The following IRAG1 variants were observed in gnomAD, a reference collection of about 807,000 sequenced individuals.
The protein encoded by IRAG1 is IP3R-associated cGMP kinase substrate.
A neutral mutation model predicts 106.2 loss-of-function variants in IRAG1; 62 were observed. That is an observed-to-expected ratio of 0.58 (90% confidence interval 0.48 to 0.72). The LOEUF is 0.72. Ranked by LOEUF, IRAG1 falls within the 30% of genes least tolerant of loss-of-function variation. IRAG1 has a pLI of 0.00. For synonymous variants in IRAG1, 462 were observed against 443.9 expected (o/e 1.04, Z -0.51); for missense variants, 1,064 against 1,140.7 (o/e 0.93, Z 0.97).
intron 11 of IRAG1, among the ~76,000 whole-genome samples, chr11:10,607,893 T>C (rs896830356): frequency 6.6e-6 from 1 of 152,172 alleles, no homozygotes; most frequent in Non-Finnish European, 1.5e-5. Flanking sequence ...ACAGTCCTTG[T>C]CACAACCCCA....
At chr11:10,604,333 G>A in intron 13 of IRAG1, 72 bp downstream of exon 13, 1 of 1,580,966 alleles carries the variant, frequency 6.3e-7, no homozygotes, top group South Asian at 1.1e-5. Context: ...CCTGAGAGAA[G>A]CATGACACCC....
chr11:10,603,367 C>G (rs1002728827), intron 13 of IRAG1, 116 bp from the exon 14 acceptor site: 1 of 1,166,534 alleles, frequency 8.6e-7, no homozygotes. Flanking sequence ...TTCCACAAAC[C>G]TGGTGGGGGC....
rs76868884 is a variant in IRAG1 at position 10,647,394 on chromosome 11, C to T, written c.225+4631G>A. ...ATGTTAAATGAGTTAATATGGTAGA[C>T]GAGTATCTGGCACAGGGTTAGCTAT... On this transcript the variant is annotated intron_variant, in intron 2 of 20. Coordinates refer to ENST00000423302, the MANE Select transcript of IRAG1 (RefSeq NM_130385.4). The surrounding 1 kb of genome is among the most constrained non-coding windows in gnomAD (Gnocchi z 4.3). 1.7e-3 allele frequency among the ~76,000 whole-genome samples: 253 copies of T among 152,232 alleles called. 2 individuals carry two copies. Among genetic ancestry groups the T allele is most frequent in the African/African-American group, 5.4e-3 (225 of 41,520 alleles).
At chr11:10,605,435 T>C (rs1286147933) in intron 12 of IRAG1, among the ~76,000 whole-genome samples, 1 of 151,540 alleles carries the variant, frequency 6.6e-6, no homozygotes, top group Non-Finnish European at 1.5e-5. Flanking sequence ...GAAGGCAATA[T>C]TGAAAACTAC....
At position 10,693,739 on chromosome 11, in the gene IRAG1, G is replaced by C; in HGVS notation, c.-137C>G. The C allele has an allele frequency of 9.7e-7, 1 of 1,030,366 alleles. No homozygotes were observed. Among genetic ancestry groups the C allele is most frequent in the Non-Finnish European group, 1.4e-6 (1 of 717,442 alleles). The allele number at this position is 1,030,366 out of a possible 1,614,324, so 63.8% of individuals were successfully genotyped here. Reference sequence around the variant, plus strand: ...CCTCTGGGAGCCCCACTCCGGCCTGGCTCGGGGGATAATGGCAGGGAAAGC... The same window carrying C: ...CCTCTGGGAGCCCCACTCCGGCCTGCCTCGGGGGATAATGGCAGGGAAAGC... On this transcript the variant is annotated 5_prime_UTR_variant, in exon 1 of 21. Transcript: ENST00000423302.
intron 10 of IRAG1, among the ~76,000 whole-genome samples, chr11:10,621,638 C>T (rs975042294): frequency 3.9e-5 from 6 of 152,190 alleles, no homozygotes; most frequent in African/African-American, 1.4e-4. Flanking sequence ...GATTTGGAGT[C>T]AGGAGATCCT....
At chr11:10,591,388 G>A (rs938948819) in intron 18 of IRAG1, among the ~76,000 whole-genome samples, 160 bp downstream of exon 18, 3 of 152,174 alleles carry the variant, frequency 2.0e-5, no homozygotes, top group African/African-American at 7.2e-5. Flanking sequence ...TTTGCAAACA[G>A]GTTCTGAAAT....
At chr11:10,581,081 A>G (rs971155149) in intron 19 of IRAG1, among the ~76,000 whole-genome samples, 6 of 152,180 alleles carry the variant, frequency 3.9e-5, no homozygotes, top group Admixed American at 2.0e-4. Flanking sequence ...AATTCCAAGG[A>G]TAGAGCACAG....
At chr11:10,651,227 A>G (rs1302267597) in intron 2 of IRAG1, among the ~76,000 whole-genome samples, 2 of 152,256 alleles carry the variant, frequency 1.3e-5, no homozygotes, top group African/African-American at 4.8e-5. Flanking sequence ...TACGACGAGG[A>G]TGATGCTCAA....
chr11:10,666,754 G>A (rs1174049722), intron 1 of IRAG1, among the ~76,000 whole-genome samples: 1 of 152,236 alleles, frequency 6.6e-6, no homozygotes, highest in East Asian at 1.9e-4. Flanking sequence ...GCAGGTTAAG[G>A]CCAGGGACTG....
At chr11:10,621,124 A>G (rs1161247515) in intron 10 of IRAG1, among the ~76,000 whole-genome samples, 1 of 152,222 alleles carries the variant, frequency 6.6e-6, no homozygotes, top group Non-Finnish European at 1.5e-5. Context: ...AGTGTTTTAA[A>G]TATGCTTTAG....
intron 10 of IRAG1, among the ~76,000 whole-genome samples, chr11:10,612,735 C>T (rs777764997): frequency 4.6e-5 from 7 of 151,674 alleles, no homozygotes; most frequent in Non-Finnish European, 8.8e-5. Flanking sequence ...AGAAACACAT[C>T]AAAAAATGCA....
In IRAG1 at chr11:10,576,091, G is replaced by T; in HGVS notation, c.*241C>A. ...ACCTTCCCTTCCAATAGAGTTCCTT[G>T]GTGAAGGTGACTTCTTCATCCACTG... On this transcript the variant is annotated 3_prime_UTR_variant, in exon 21 of 21. Transcript: ENST00000423302. 1.9e-6 allele frequency: 1 copy of T among 530,562 alleles called. No homozygotes were observed. Among genetic ancestry groups the T allele is most frequent in the Non-Finnish European group, 3.4e-6 (1 of 296,010 alleles). The allele number at this position is 530,562 out of a possible 1,614,324, so 32.9% of individuals were successfully genotyped here.
intron 10 of IRAG1, among the ~76,000 whole-genome samples, chr11:10,619,408 A>C (rs1855669693): frequency 1.3e-5 from 2 of 152,204 alleles, no homozygotes; most frequent in Non-Finnish European, 2.9e-5. Context: ...CTATAAATAC[A>C]ATCTGAGCCA....
chr11:10,651,244 TC>T (rs1344014005), intron 2 of IRAG1, among the ~76,000 whole-genome samples: 3 of 152,228 alleles, frequency 2.0e-5, no homozygotes, highest in Non-Finnish European at 4.4e-5. Flanking sequence ...TCAAATAGGT[TC>T]TTCAAAAGGG....
chr11:10,677,860 T>C (rs1318144185), intron 1 of IRAG1, among the ~76,000 whole-genome samples: 2 of 152,232 alleles, frequency 1.3e-5, no homozygotes, highest in South Asian at 4.1e-4. Flanking sequence ...TGGATAGTTA[T>C]ATGAATGCAA....
intron 1 of IRAG1, among the ~76,000 whole-genome samples, chr11:10,673,692 C>A (rs765548235): frequency 1.3e-5 from 2 of 151,676 alleles, no homozygotes; most frequent in African/African-American, 2.4e-5. Context: ...TTTTTTCTAA[C>A]TTCCATTAAA....
intron 11 of IRAG1, among the ~76,000 whole-genome samples, chr11:10,608,102 C>T (rs560632744): frequency 7.2e-5 from 11 of 152,126 alleles, no homozygotes; most frequent in African/African-American, 2.4e-4. Context: ...AGAACACACC[C>T]ACCTTATTTT....
chr11:10,643,344 A>C (rs1857688653), intron 2 of IRAG1, among the ~76,000 whole-genome samples: 1 of 152,108 alleles, frequency 6.6e-6, no homozygotes, highest in Admixed American at 6.5e-5. Context: ...CTGGCTCCCC[A>C]AAGGCTCCCC....
Sources: allele counts gnomAD v4.1 joint callset (sites outside exome capture counted in the v4.1 genomes callset), GRCh38; gene constraint gnomAD v4.1.1; non-coding constraint Gnocchi (gnomAD v3.1); transcripts MANE v1.5; gene names NCBI Gene and HGNC (gene_info 2026-07-23, HGNC 2026-07-21).